Variants in UNC80 observed in about 807,000 individuals in gnomAD.
UNC80 encodes protein unc-80 homolog.
A neutral mutation model predicts 384.6 loss-of-function variants in UNC80; 164 were observed. The ratio of observed to expected loss-of-function variants is 0.43; its 90% CI spans 0.38 to 0.49. The LOEUF (loss-of-function observed/expected upper bound fraction) is 0.49, where lower values mean the gene tolerates loss of function less well. Among genes scored for constraint, UNC80 ranks in the 20% least tolerant of loss-of-function variants. The probability of loss-of-function intolerance (pLI) is 0.00; values close to 1 mark genes in which losing one functional copy is unlikely to be tolerated. For synonymous variants in UNC80, 1,486 were observed against 1,527.8 expected (o/e 0.97, Z 0.64); for missense variants, 3,330 against 4,143.0 (o/e 0.80, Z 5.39).
At chr2:209,811,450 A>G (rs2079341969) in intron 7 of UNC80, among the ~76,000 whole-genome samples, 1 of 152,222 alleles carries the variant, frequency 6.6e-6, no homozygotes, top group African/African-American at 2.4e-5. Flanking sequence ...AGTAATTGCA[A>G]TAAGCCTGAT....
intron 2 of UNC80, 30 bp downstream of exon 2, chr2:209,773,172 T>G (rs749570222): frequency 6.3e-7 from 1 of 1,593,530 alleles, no homozygotes. Flanking sequence ...TAATAATTAT[T>G]TCCCTATTCT....
chr2:209,841,353 T>C (rs1574685396), intron 20 of UNC80, among the ~76,000 whole-genome samples: 2 of 152,244 alleles, frequency 1.3e-5, no homozygotes, highest in Non-Finnish European at 2.9e-5. Flanking sequence ...GTTGTTGTTG[T>C]TGTTTTTGTT....
chr2:209,821,817 C>T (rs1320552876), intron 13 of UNC80, among the ~76,000 whole-genome samples: 1 of 152,104 alleles, frequency 6.6e-6, no homozygotes, highest in Non-Finnish European at 1.5e-5. Flanking sequence ...AAATTGAAAT[C>T]AACAAGAGAT....
chr2:209,910,842 C>G (rs1246816480), intron 29 of UNC80, among the ~76,000 whole-genome samples: 1 of 152,030 alleles, frequency 6.6e-6, no homozygotes, highest in Non-Finnish European at 1.5e-5. Flanking sequence ...GAAAAATACT[C>G]TTTATAAAAT....
intron 53 of UNC80, chr2:209,970,393 A>G (rs1360986758): frequency 1.6e-5 from 3 of 182,308 alleles, no homozygotes; most frequent in African/African-American, 7.1e-5. Flanking sequence ...AAACCATCTT[A>G]GAGCATCTCA....
intron 7 of UNC80, among the ~76,000 whole-genome samples, chr2:209,812,340 G>T (rs914153294): frequency 6.6e-6 from 1 of 151,916 alleles, no homozygotes; most frequent in South Asian, 2.1e-4. Context: ...GATTACAGGC[G>T]TGAGCCACCG....
intron 42 of UNC80, among the ~76,000 whole-genome samples, chr2:209,938,866 T>A (rs1337585339): frequency 6.6e-6 from 1 of 152,146 alleles, no homozygotes; most frequent in African/African-American, 2.4e-5. Context: ...TGGAGGCCTA[T>A]GAGTCTGGCT....
chr2:209,854,150 C>T (rs1225428061), intron 22 of UNC80, among the ~76,000 whole-genome samples: 1 of 151,898 alleles, frequency 6.6e-6, no homozygotes. Flanking sequence ...ATGATCAATG[C>T]AAATTAGGTC....
intron 51 of UNC80, among the ~76,000 whole-genome samples, chr2:209,960,229 T>TA (rs1559398963): frequency 6.6e-6 from 1 of 152,126 alleles, no homozygotes; most frequent in South Asian, 2.1e-4. Context: ...TTCCAACCGT[T>TA]AAAAAAATGT....
chr2:209,983,437 A>G (rs1482804519), intron 60 of UNC80, among the ~76,000 whole-genome samples: 1 of 152,234 alleles, frequency 6.6e-6, no homozygotes, highest in Non-Finnish European at 1.5e-5. Context: ...GTATCATTGT[A>G]AGAAATTGTT....
At position 209,877,252 on chromosome 2, in the gene UNC80, A is replaced by G. The variant is rs1025701870; in HGVS notation, c.3841-702A>G. On this transcript the variant is annotated intron_variant, in intron 23 of 64. Transcript: ENST00000673920. ...GTGGCAAATTCCTTTGATAAACCAG[A>G]CAATAGTGCCTGATGATTCAATAAC... Among the ~76,000 whole-genome samples, 5 of 152,322 alleles carry G rather than the reference A, an allele frequency of 3.3e-5. No homozygotes were observed. In the East Asian group the frequency reaches 9.6e-4, roughly 29 times the overall value.
chr2:209,974,973 C>G (rs1472442131), intron 56 of UNC80, among the ~76,000 whole-genome samples: 1 of 152,014 alleles, frequency 6.6e-6, no homozygotes, highest in African/African-American at 2.4e-5. Context: ...TTGAGATAAG[C>G]AATTGCTGTG....
chr2:209,782,373 C>A (rs558370478), intron 4 of UNC80, among the ~76,000 whole-genome samples: 9 of 152,214 alleles, frequency 5.9e-5, no homozygotes, highest in African/African-American at 1.9e-4. Flanking sequence ...TTCTTGCTGA[C>A]CGGAATGCCC....
At chr2:209,811,900 C>T (rs949478410) in intron 7 of UNC80, among the ~76,000 whole-genome samples, 1 of 152,258 alleles carries the variant, frequency 6.6e-6, no homozygotes, top group African/African-American at 2.4e-5. Flanking sequence ...GGCACAGATA[C>T]GGTTTGGATT....
At chr2:209,970,760 T>C in intron 53 of UNC80, 72 bp from the exon 54 acceptor site, 1 of 1,475,136 alleles carries the variant, frequency 6.8e-7, no homozygotes, top group Non-Finnish European at 9.0e-7. Context: ...TCATCATCAT[T>C]GAGACTCCTT....
chr2:209,863,394 G>A (rs2083478747), intron 22 of UNC80, among the ~76,000 whole-genome samples: 1 of 152,088 alleles, frequency 6.6e-6, no homozygotes, highest in African/African-American at 2.4e-5. Context: ...TGCTAGGTTG[G>A]GGAGGTTCTC....
intron 7 of UNC80, among the ~76,000 whole-genome samples, chr2:209,800,064 G>A (rs2078439622): frequency 6.6e-6 from 1 of 152,158 alleles, no homozygotes; most frequent in African/African-American, 2.4e-5. Flanking sequence ...TTGGTATCAG[G>A]ATGATGCTGG....
Position 209,969,533 on chromosome 2 carries a change from A to G in UNC80, c.8007-235A>G. Reference sequence around the variant, plus strand: ...AGGGAAATTAAAATGCAACCCATTCATCATCTCTGTTTTTTCTTCAATAGA... The same window carrying G: ...AGGGAAATTAAAATGCAACCCATTCGTCATCTCTGTTTTTTCTTCAATAGA... On this transcript the variant is annotated intron_variant, in intron 52 of 64. Coordinates refer to ENST00000673920, the MANE Select transcript of UNC80 (RefSeq NM_001371986.1). 5 of 516,404 alleles carry G rather than the reference A, an allele frequency of 9.7e-6. No individual in the cohort carries two copies. In the East Asian group the frequency reaches 1.3e-4, roughly 13 times the overall value. 32.0% of individuals were successfully genotyped at this position (516,404 alleles called of 1,614,324 possible). A position where few individuals can be genotyped will look rare whatever the true frequency, so the allele number is the denominator to read the frequency against.
intron 59 of UNC80, 46 bp from the exon 60 acceptor site, chr2:209,982,117 GGTTGGGTTTTTCTGAT>G: frequency 6.7e-7 from 1 of 1,492,594 alleles, no homozygotes; most frequent in Non-Finnish European, 9.0e-7. Flanking sequence ...GTACAGCTTT[GGTTGGGTTTTTCTGAT>G]CAGTGTCATA....
Sources: gnomAD v4.1 joint callset for allele counts (sites outside exome capture counted in the v4.1 genomes callset) on GRCh38, gnomAD v4.1.1 for gene constraint, MANE v1.5 for transcripts, NCBI Gene and HGNC (gene_info 2026-07-23, HGNC 2026-07-21) for gene names.